HPD: variants seen among roughly 807,000 people sequenced by gnomAD.
The protein encoded by HPD is 4-hydroxyphenylpyruvic acid oxidase.
HPD carries 35 observed loss-of-function variants against 56.9 expected under a neutral mutation model. The observed-to-expected ratio is 0.62, with a 90% CI of 0.47 to 0.82. The LOEUF (loss-of-function observed/expected upper bound fraction) is 0.82, where lower values mean the gene tolerates loss of function less well. Among genes scored for constraint, HPD ranks in the 40% least tolerant of loss-of-function variants. HPD has a pLI of 0.00. For synonymous variants in HPD, 186 were observed against 200.2 expected (o/e 0.93, Z 0.60); for missense variants, 442 against 506.8 (o/e 0.87, Z 1.23).
the HPD span, among the ~76,000 whole-genome samples, chr12:121,869,350 CAA>C: frequency 4.3e-5 from 5 of 115,516 alleles, no homozygotes; most frequent in African/African-American, 1.0e-4. Flanking sequence ...AACTTCGTCT[CAA>C]AAAAAAAAAA....
intron 12 of HPD, among the ~76,000 whole-genome samples, chr12:121,840,920 A>C (rs1326342155): frequency 6.6e-6 from 1 of 151,808 alleles, no homozygotes; most frequent in African/African-American, 2.4e-5. Flanking sequence ...TAGGCTGGGC[A>C]AGGTGGCTCA....
At chr12:121,857,014 C>T in intron 4 of HPD, 1 of 495,248 alleles carries the variant, frequency 2.0e-6, no homozygotes, top group Non-Finnish European at 3.7e-6. Context: ...TACAAAGATG[C>T]CAGCGGAGGG....
chr12:121,866,530 C>T (rs535321864), upstream of HPD, among the ~76,000 whole-genome samples: 714 of 151,920 alleles, frequency 4.7e-3, 5 homozygotes, highest in African/African-American at 0.016. Flanking sequence ...AGCCATTTGA[C>T]GGAGTTTAAA....
At chr12:121,883,380 T>A in the HPD span, among the ~76,000 whole-genome samples, 1 of 151,832 alleles carries the variant, frequency 6.6e-6, no homozygotes, top group East Asian at 1.9e-4. Context: ...GGAGACTGGG[T>A]TAAAGTGCGC....
At position 121,858,678 on chromosome 12, in the gene HPD, C is replaced by G. The variant is rs746810928; in HGVS notation, c.30+9G>C. The G allele has an allele frequency of 2.5e-6, 4 of 1,614,070 alleles. No individual in the cohort carries two copies. Among genetic ancestry groups the G allele is most frequent in the Admixed American group, 1.7e-5 (1 of 60,012 alleles). On this transcript the variant is annotated intron_variant, in intron 2 of 13. Coordinates refer to ENST00000289004, the MANE Select transcript of HPD (RefSeq NM_002150.3). Reference sequence around the variant, plus strand: ...AGGCCCCTACATTTCCCACATTTCGCCTGCTTACCTTTGCCCCTTTGTCAC... The same window carrying G: ...AGGCCCCTACATTTCCCACATTTCGGCTGCTTACCTTTGCCCCTTTGTCAC...
chr12:121,872,327 A>G, the HPD span, among the ~76,000 whole-genome samples: 184 of 150,532 alleles, frequency 1.2e-3, 4 homozygotes, highest in East Asian at 0.036. Flanking sequence ...CCCAGCTTCA[A>G]GTGATTCTCC....
Position 121,840,037 on chromosome 12 carries a change from G to T in HPD, c.966C>A (p.Ile322=), listed in dbSNP as rs908075187. 54 of 1,612,322 alleles carry T rather than the reference G, an allele frequency of 3.3e-5. 1 individual carries two copies. The highest frequency in any genetic ancestry group is 4.2e-5 in the Non-Finnish European group (50 of 1,178,498). ...ENIDALEELK[I]LVDYDEKGYL... Reference sequence around the variant, plus strand: ...AGCCTTTCTCGTCGTAGTCCACCAGGATTTTCAGCTCCTAGGCGGGAGACA... The same window carrying T: ...AGCCTTTCTCGTCGTAGTCCACCAGTATTTTCAGCTCCTAGGCGGGAGACA... The change falls in exon 13 of 14, where the codon ATC becomes ATA. Residue 322 remains isoleucine, a synonymous_variant. Transcript: ENST00000289004.
chr12:121,840,106 A>G, intron 12 of HPD, 58 bp from the exon 13 acceptor site: 3 of 1,150,600 alleles, frequency 2.6e-6, no homozygotes, highest in South Asian at 1.2e-5. Flanking sequence ...ATCCTTGGAA[A>G]GTCCACAGGG....
upstream of HPD, chr12:121,858,882 G>C: frequency 1.2e-6 from 2 of 1,605,518 alleles, no homozygotes; most frequent in South Asian, 2.2e-5. Flanking sequence ...CTGGGCCGGA[G>C]TATTTAACCC....
Position 121,858,844 on chromosome 12 carries a change from C to G in HPD, c.-21G>C. 1 of 1,614,094 alleles carries G rather than the reference C, an allele frequency of 6.2e-7. No individual in the cohort carries two copies. The highest frequency in any genetic ancestry group is 8.5e-7 in the Non-Finnish European group (1 of 1,179,968). On this transcript the variant is annotated 5_prime_UTR_variant, in exon 1 of 14. Transcript: ENST00000289004. Reference sequence around the variant, plus strand: ...ACCATGATTGATCTTAGTCAAACCTCCTACTGGGACTAGAGGCCTGGGGAG... The same window carrying G: ...ACCATGATTGATCTTAGTCAAACCTGCTACTGGGACTAGAGGCCTGGGGAG...
chr12:121,855,287 C>T (rs923297764), intron 6 of HPD, among the ~76,000 whole-genome samples: 1 of 152,178 alleles, frequency 6.6e-6, no homozygotes, highest in African/African-American at 2.4e-5. Flanking sequence ...GACGTTGAAG[C>T]ACAGAGACAT....
At chr12:121,862,272 T>C (rs563671150), upstream of HPD, among the ~76,000 whole-genome samples, 2 of 151,750 alleles carry the variant, frequency 1.3e-5, no homozygotes, top group Non-Finnish European at 2.9e-5. Context: ...ACCATTTACA[T>C]TGGGCTGCTC....
chr12:121,848,998 C>G lies in HPD; in HGVS notation c.596+1G>C. 1 of 1,612,302 alleles carries G rather than the reference C, an allele frequency of 6.2e-7. No homozygotes were observed. Among genetic ancestry groups the G allele is most frequent in the South Asian group, 1.1e-5 (1 of 91,044 alleles). Reference sequence around the variant, plus strand: ...GCAGAGGGAGAGGGCCAAGGTCTCACCATTCGGAGGCGGACACCATCTCCT... The same window carrying G: ...GCAGAGGGAGAGGGCCAAGGTCTCAGCATTCGGAGGCGGACACCATCTCCT... On this transcript the variant is annotated splice_donor_variant, in intron 9 of 13. Transcript: ENST00000289004. LOFTEE classifies it high-confidence loss of function.
At chr12:121,876,716 G>A in the HPD span, among the ~76,000 whole-genome samples, 3 of 151,972 alleles carry the variant, frequency 2.0e-5, no homozygotes, top group Non-Finnish European at 4.4e-5. Flanking sequence ...AGTTCTCTTT[G>A]GCCTCTGATT....
upstream of HPD, among the ~76,000 whole-genome samples, chr12:121,861,451 G>A (rs192486002): frequency 3.9e-5 from 6 of 152,238 alleles, no homozygotes; most frequent in African/African-American, 9.6e-5. Context: ...GTTGCAATGC[G>A]AGATTGTGCC....
the HPD span, among the ~76,000 whole-genome samples, chr12:121,882,807 T>C: frequency 2.6e-5 from 4 of 152,138 alleles, no homozygotes; most frequent in Admixed American, 2.0e-4. Flanking sequence ...AGTGGTGTAA[T>C]CTCAGCTCAC....
chr12:121,875,874 A>G, the HPD span, among the ~76,000 whole-genome samples: 1 of 152,136 alleles, frequency 6.6e-6, no homozygotes, highest in Non-Finnish European at 1.5e-5. Flanking sequence ...TATTCCCACC[A>G]TTTTGGGAGG....
chr12:121,873,245 A>G, the HPD span, among the ~76,000 whole-genome samples: 2 of 152,336 alleles, frequency 1.3e-5, no homozygotes, highest in Middle Eastern at 3.4e-3. Flanking sequence ...GAAGGCCTCA[A>G]TGCCCAGCTG....
rs747617139 is a variant in HPD at position 121,843,689 on chromosome 12, C to T, written c.954+21G>A. 4.6e-5 allele frequency: 74 copies of T among 1,613,632 alleles called. No homozygotes were observed. The South Asian group carries it at 6.3e-4, about 14-fold the overall frequency. On this transcript the variant is annotated intron_variant, in intron 12 of 13. Coordinates refer to ENST00000289004, the MANE Select transcript of HPD (RefSeq NM_002150.3). ...AGCTCATACTCCCCCCACAAGGCTG[C>T]GGATCCTGCCTGGGCCTCACCTCCA...
Sources: gnomAD v4.1 joint callset for allele counts (sites outside exome capture counted in the v4.1 genomes callset) on GRCh38, gnomAD v4.1.1 for gene constraint, MANE v1.5 for transcripts, NCBI Gene and HGNC (gene_info 2026-07-23, HGNC 2026-07-21) for gene names.